The following PCDH9 variants were observed in gnomAD, a reference collection of about 807,000 sequenced individuals.
PCDH9 encodes protocadherin 9, also known as protocadherin-9.
PCDH9 carries 24 observed loss-of-function variants against 70.6 expected under a neutral mutation model. The observed-to-expected ratio is 0.34, with a 90% CI of 0.25 to 0.48. The LOEUF is 0.48. Among genes scored for constraint, PCDH9 ranks in the 20% least tolerant of loss-of-function variants. PCDH9 has a pLI of 0.99. For missense variants in PCDH9, 1,281 were observed against 1,503.6 expected, an observed-to-expected ratio of 0.85 and a Z score of 2.45; for synonymous variants, 562 against 558.5, an observed-to-expected ratio of 1.01 and a Z score of -0.09.
chr13:66,740,073 T>A (rs1213001254), intron 3 of PCDH9, among the ~76,000 whole-genome samples: 28 of 149,748 alleles, frequency 1.9e-4, no homozygotes, highest in African/African-American at 5.6e-4. Flanking sequence ...ATTCCAAAAT[T>A]GACCACATAG....
intron 2 of PCDH9, among the ~76,000 whole-genome samples, chr13:67,198,435 T>A (rs2089129434): frequency 6.6e-6 from 1 of 151,914 alleles, no homozygotes; most frequent in Non-Finnish European, 1.5e-5. Context: ...TCTTTTGAAT[T>A]CACAGCAATT....
chr13:66,934,589 A>G (rs2082876922), intron 2 of PCDH9, among the ~76,000 whole-genome samples: 1 of 128,428 alleles, frequency 7.8e-6, no homozygotes, highest in South Asian at 2.7e-4. Context: ...TCCTTGAAGC[A>G]TAGGAACAAA....
At chr13:66,917,024 A>G (rs2082568517) in intron 2 of PCDH9, among the ~76,000 whole-genome samples, 1 of 151,528 alleles carries the variant, frequency 6.6e-6, no homozygotes, top group Non-Finnish European at 1.5e-5. Flanking sequence ...CTTGCAGATG[A>G]AGTTTTCTTT....
chr13:66,617,813 A>C (rs955102315), intron 4 of PCDH9, among the ~76,000 whole-genome samples: 1 of 152,178 alleles, frequency 6.6e-6, no homozygotes, highest in Non-Finnish European at 1.5e-5. Flanking sequence ...TGATGGCCCC[A>C]TCTGCCGGGA....
At chr13:66,354,439 T>C (rs1956345525) in intron 4 of PCDH9, among the ~76,000 whole-genome samples, 1 of 152,132 alleles carries the variant, frequency 6.6e-6, no homozygotes. Flanking sequence ...AGAAAAATTA[T>C]TGGCCCCAAT....
chr13:66,475,989 T>C (rs920863), intron 4 of PCDH9, among the ~76,000 whole-genome samples: 128,038 of 151,956 alleles, frequency 0.84, 54,099 homozygotes, highest in East Asian at 1. Flanking sequence ...CTCTGGTTTT[T>C]CACAGTTTTA....
At chr13:66,849,517 TAGAGAG>T (rs58589562) in intron 3 of PCDH9, among the ~76,000 whole-genome samples, 3 of 63,578 alleles carry the variant, frequency 4.7e-5, no homozygotes, top group South Asian at 7.8e-4. Flanking sequence ...TATATATATA[TAGAGAG>T]AGAGAGAGAG....
At chr13:66,398,626 T>C (rs1484037140) in intron 4 of PCDH9, among the ~76,000 whole-genome samples, 1 of 152,202 alleles carries the variant, frequency 6.6e-6, no homozygotes, top group Non-Finnish European at 1.5e-5. Context: ...TAATTTTATA[T>C]ACATTCAAAA....
intron 2 of PCDH9, among the ~76,000 whole-genome samples, chr13:67,195,131 A>C (rs547374830): frequency 1.3e-5 from 2 of 151,464 alleles, no homozygotes; most frequent in Non-Finnish European, 2.9e-5. Flanking sequence ...TAATGTCTTG[A>C]CTATTATTTT....
intron 3 of PCDH9, among the ~76,000 whole-genome samples, chr13:66,857,979 C>A: frequency 6.6e-6 from 1 of 152,058 alleles, no homozygotes. Context: ...GCCTAATAAC[C>A]CAGGAAGCAT....
intron 2 of PCDH9, among the ~76,000 whole-genome samples, chr13:67,187,697 A>C (rs1399828267): frequency 6.6e-6 from 1 of 152,064 alleles, no homozygotes; most frequent in East Asian, 1.9e-4. Context: ...CTATATTCAC[A>C]ATATAGAGAT....
At chr13:66,552,867 G>A (rs770495626) in intron 4 of PCDH9, among the ~76,000 whole-genome samples, 8 of 152,090 alleles carry the variant, frequency 5.3e-5, no homozygotes, top group African/African-American at 1.2e-4. Flanking sequence ...ACACTTCAGC[G>A]TGACTGGGGA....
intron 2 of PCDH9, among the ~76,000 whole-genome samples, chr13:66,921,783 G>A (rs1331650516): frequency 1.3e-5 from 2 of 151,336 alleles, no homozygotes; most frequent in Middle Eastern, 3.4e-3. Context: ...TGAGTACAGC[G>A]GGGCTGAGGT....
At chr13:66,539,806 C>A (rs1335302932) in intron 4 of PCDH9, among the ~76,000 whole-genome samples, 1 of 151,472 alleles carries the variant, frequency 6.6e-6, no homozygotes, top group African/African-American at 2.4e-5. Context: ...CTAAGAGATA[C>A]CCAAAATAAT....
intron 3 of PCDH9, among the ~76,000 whole-genome samples, chr13:66,734,303 G>A (rs142490172): frequency 1.6e-3 from 241 of 152,198 alleles, no homozygotes; most frequent in African/African-American, 5.4e-3. Context: ...TTGACAGGAG[G>A]GTAATACATC....
intron 3 of PCDH9, among the ~76,000 whole-genome samples, chr13:66,754,260 G>A (rs939223765): frequency 2.6e-5 from 4 of 151,932 alleles, no homozygotes; most frequent in Admixed American, 6.6e-5. Context: ...ATAGCATTAG[G>A]GGAAATACCT....
At chr13:66,537,099 G>C (rs1960737329) in intron 4 of PCDH9, among the ~76,000 whole-genome samples, 1 of 152,106 alleles carries the variant, frequency 6.6e-6, no homozygotes, top group Non-Finnish European at 1.5e-5. Flanking sequence ...ATAACTGAAT[G>C]CATAGCTATC....
At chr13:67,142,807 T>G (rs1049641546) in intron 2 of PCDH9, among the ~76,000 whole-genome samples, 2 of 147,468 alleles carry the variant, frequency 1.4e-5, no homozygotes, top group Non-Finnish European at 3.0e-5. Flanking sequence ...GAGACCAGCC[T>G]GGCCAACACA....
chr13:66,575,089 C>A (rs2076794785), intron 4 of PCDH9, among the ~76,000 whole-genome samples: 1 of 151,830 alleles, frequency 6.6e-6, no homozygotes, highest in Admixed American at 6.6e-5. Flanking sequence ...AGGAGAAGTT[C>A]TTGAACCTGG....
Sources: allele counts gnomAD v4.1 joint callset (sites outside exome capture counted in the v4.1 genomes callset), GRCh38; gene constraint gnomAD v4.1.1; transcripts MANE v1.5; gene names NCBI Gene and HGNC (gene_info 2026-07-23, HGNC 2026-07-21).